Variants in KCTD16 observed in about 807,000 individuals in gnomAD.
KCTD16 encodes BTB/POZ domain-containing protein KCTD16.
In KCTD16, 13 loss-of-function variants were observed where a neutral mutation model predicts 33.2. The observed-to-expected ratio is 0.39, with a 90% CI of 0.25 to 0.62. The LOEUF (loss-of-function observed/expected upper bound fraction) is 0.62. Ranked by LOEUF, KCTD16 falls within the 20% of genes least tolerant of loss-of-function variation. The pLI, the probability that KCTD16 is intolerant of heterozygous loss-of-function variation, is 0.50. For missense variants in KCTD16, 441 were observed against 525.1 expected (o/e 0.84, Z 1.57); for synonymous variants, 197 against 195.3 (o/e 1.01, Z -0.07).
chr5:144,323,698 G>T (rs980918817), intron 3 of KCTD16, among the ~76,000 whole-genome samples: 1 of 152,118 alleles, frequency 6.6e-6, no homozygotes, highest in Non-Finnish European at 1.5e-5. Flanking sequence ...GGGTAATTCT[G>T]CTCCCCATAG....
chr5:144,375,745 G>A (rs145643056), intron 3 of KCTD16, among the ~76,000 whole-genome samples: 6 of 152,250 alleles, frequency 3.9e-5, no homozygotes, highest in African/African-American at 1.4e-4. Context: ...AAACCAAGAT[G>A]TGCTTCCTAG....
chr5:144,321,787 T>C (rs995617270), intron 3 of KCTD16, among the ~76,000 whole-genome samples: 4 of 152,180 alleles, frequency 2.6e-5, no homozygotes, highest in African/African-American at 4.8e-5. Context: ...TCACCAGTGG[T>C]GAAGTGTTTA....
chr5:144,410,497 G>A (rs1453804265), intron 3 of KCTD16, among the ~76,000 whole-genome samples: 1 of 151,920 alleles, frequency 6.6e-6, no homozygotes, highest in Non-Finnish European at 1.5e-5. Flanking sequence ...TTTTTCTTAT[G>A]GACTATAGAA....
intron 3 of KCTD16, among the ~76,000 whole-genome samples, chr5:144,213,105 A>C (rs1055598929): frequency 6.6e-6 from 1 of 152,132 alleles, no homozygotes; most frequent in African/African-American, 2.4e-5. Context: ...ATAATTCTTT[A>C]ATATTATCAA....
At chr5:144,214,253 G>C (rs1753491478) in intron 3 of KCTD16, among the ~76,000 whole-genome samples, 1 of 152,018 alleles carries the variant, frequency 6.6e-6, no homozygotes, top group Non-Finnish European at 1.5e-5. Context: ...CATCTCCGCT[G>C]ATGGAAAGGC....
At chr5:144,188,562 T>C (rs1752776910) in intron 2 of KCTD16, among the ~76,000 whole-genome samples, 1 of 152,154 alleles carries the variant, frequency 6.6e-6, no homozygotes, top group Non-Finnish European at 1.5e-5. Flanking sequence ...GCAGCATCAG[T>C]AAAAAGGTGG....
intron 2 of KCTD16, among the ~76,000 whole-genome samples, chr5:144,204,579 G>T (rs1580785275): frequency 6.6e-6 from 1 of 152,134 alleles, no homozygotes; most frequent in African/African-American, 2.4e-5. Context: ...GGGGCTGGGG[G>T]CACGTCCAAA....
chr5:144,277,797 T>G (rs527460529), intron 3 of KCTD16, among the ~76,000 whole-genome samples: 1 of 152,336 alleles, frequency 6.6e-6, no homozygotes, highest in East Asian at 1.9e-4. Flanking sequence ...GCATCTTTCA[T>G]GTACTTCTTT....
intron 3 of KCTD16, among the ~76,000 whole-genome samples, chr5:144,451,976 G>C (rs1030155580): frequency 1.3e-5 from 2 of 151,810 alleles, no homozygotes; most frequent in African/African-American, 4.8e-5. Context: ...AACTGTATTT[G>C]TCACAGCATA....
intron 3 of KCTD16, among the ~76,000 whole-genome samples, chr5:144,291,560 G>C (rs1260132860): frequency 6.6e-6 from 1 of 152,084 alleles, no homozygotes; most frequent in Non-Finnish European, 1.5e-5. Context: ...CTTTATATAT[G>C]GTAAGTAGTT....
intron 3 of KCTD16, among the ~76,000 whole-genome samples, chr5:144,413,114 C>G (rs1200533038): frequency 1.3e-5 from 2 of 152,102 alleles, no homozygotes; most frequent in Non-Finnish European, 2.9e-5. Context: ...AAAATGTGGA[C>G]ATCTATTAGG....
chr5:144,454,126 C>T (rs1754009041), intron 3 of KCTD16, among the ~76,000 whole-genome samples: 1 of 152,184 alleles, frequency 6.6e-6, no homozygotes, highest in African/African-American at 2.4e-5. Flanking sequence ...TCTTTAAGCA[C>T]ATATACAGGT....
In KCTD16 at chr5:144,205,229, G is replaced by GCCCACCGCCGGAGCGCGGCGTC. The variant is rs1167153168; in HGVS notation, c.-326-1156_-326-1135dup. 4.5e-5 allele frequency: 12 copies of GCCCACCGCCGGAGCGCGGCGTC among 267,730 alleles called. No homozygotes were observed. In the South Asian group the frequency reaches 8.5e-4, roughly 19 times the overall value. 16.6% of individuals were successfully genotyped at this position (267,730 alleles called of 1,614,324 possible). A position where few individuals can be genotyped will look rare whatever the true frequency, so the allele number is the denominator to read the frequency against. On this transcript the variant is annotated intron_variant, in intron 2 of 3. Transcript: ENST00000512467. ...AGCCCCGCGCGCCTGGCAATCGCGT[G>GCCCACCGCCGGAGCGCGGCGTC]CCCACCGCCGGAGCGCGGCGTCCCC...
chr5:144,264,540 A>G (rs1755092685), intron 3 of KCTD16, among the ~76,000 whole-genome samples: 1 of 152,124 alleles, frequency 6.6e-6, no homozygotes, highest in African/African-American at 2.4e-5. Flanking sequence ...AGGTAGGAGG[A>G]TCTCTTGAGC....
chr5:144,388,469 A>AAAG (rs1255237624), intron 3 of KCTD16, among the ~76,000 whole-genome samples: 76 of 152,108 alleles, frequency 5.0e-4, no homozygotes, highest in Non-Finnish European at 6.2e-4. Flanking sequence ...AACTCTGAAT[A>AAAG]TTGTCTTGAA....
intron 3 of KCTD16, among the ~76,000 whole-genome samples, chr5:144,228,279 A>G (rs1269195857): frequency 6.6e-6 from 1 of 152,190 alleles, no homozygotes; most frequent in Non-Finnish European, 1.5e-5. Flanking sequence ...GAGAACCAGG[A>G]AAGTGGGGTG....
rs1340598940 is a variant in KCTD16 at position 144,478,542 on chromosome 5, A to G, written c.*4428A>G. On this transcript the variant is annotated 3_prime_UTR_variant, in exon 4 of 4. Transcript: ENST00000512467. ...CACAAAAATCATGTGTAGCACTTGTAAAAATGCAGATTCCTTCAACCTAAC... is the reference window on the plus strand; with the variant it reads ...CACAAAAATCATGTGTAGCACTTGTGAAAATGCAGATTCCTTCAACCTAAC... 1.3e-5 allele frequency: 2 copies of G among 152,094 alleles called. No individual in the cohort carries two copies. Among genetic ancestry groups the G allele is most frequent in the African/African-American group, 4.8e-5 (2 of 41,440 alleles). 9.4% of individuals were successfully genotyped at this position (152,094 alleles called of 1,614,324 possible).
chr5:144,304,887 A>G (rs1751555225), intron 3 of KCTD16, among the ~76,000 whole-genome samples: 1 of 151,916 alleles, frequency 6.6e-6, no homozygotes, highest in Non-Finnish European at 1.5e-5. Flanking sequence ...TCCCTTAACC[A>G]TAACAGGTAG....
At chr5:144,438,374 T>C (rs1003162532) in intron 3 of KCTD16, among the ~76,000 whole-genome samples, 2 of 152,246 alleles carry the variant, frequency 1.3e-5, no homozygotes, top group South Asian at 2.1e-4. Context: ...CAGGCCTGCC[T>C]GTATCCAGAA....
Sources: allele counts gnomAD v4.1 joint callset (sites outside exome capture counted in the v4.1 genomes callset), GRCh38; gene constraint gnomAD v4.1.1; transcripts MANE v1.5; gene names NCBI Gene and HGNC (gene_info 2026-07-23, HGNC 2026-07-21).